AOPEP: variants seen among roughly 807,000 people sequenced by gnomAD.
AOPEP encodes the protein aminopeptidase O (putative).
AOPEP carries 77 observed loss-of-function variants against 98.1 expected under a neutral mutation model. The ratio of observed to expected loss-of-function variants is 0.78; its 90% confidence interval spans 0.65 to 0.95. AOPEP has a LOEUF of 0.95. Among genes scored for constraint, AOPEP ranks in the 40% least tolerant of loss-of-function variants. AOPEP has a pLI of 0.00. For missense variants in AOPEP, 1,024 were observed against 1,024.7 expected, an observed-to-expected ratio of 1.00 and a Z score of 0.01; for synonymous variants, 346 against 365.3, an observed-to-expected ratio of 0.95 and a Z score of 0.60.
chr9:95,099,547 C>T, the AOPEP span: 6 of 230,546 alleles, frequency 2.6e-5, no homozygotes, highest in African/African-American at 8.9e-5. Context: ...CCTGCCCGGC[C>T]GCCACCTGTC....
chr9:94,746,162 G>A (rs576767682), intron 1 of AOPEP, among the ~76,000 whole-genome samples: 1 of 152,316 alleles, frequency 6.6e-6, no homozygotes, highest in South Asian at 2.1e-4. Context: ...TCACCACCCT[G>A]AATCCAGCCA....
intron 5 of AOPEP, among the ~76,000 whole-genome samples, chr9:94,915,413 T>C (rs994282101): frequency 6.6e-6 from 1 of 152,226 alleles, no homozygotes; most frequent in African/African-American, 2.4e-5. Context: ...GAATTGATTC[T>C]AACGTGCTAT....
chr9:95,106,772 T>C, the AOPEP span, among the ~76,000 whole-genome samples: 1 of 152,182 alleles, frequency 6.6e-6, no homozygotes, highest in African/African-American at 2.4e-5. Flanking sequence ...TGGAAAGAAA[T>C]GTACGTAGGG....
chr9:95,023,358 A>G (rs1467507400), intron 13 of AOPEP, among the ~76,000 whole-genome samples: 1 of 152,182 alleles, frequency 6.6e-6, no homozygotes, highest in African/African-American at 2.4e-5. Flanking sequence ...TGTCCCCAGC[A>G]TTAAGACTGG....
chr9:95,076,137 CTT>C (rs1270278547), intron 14 of AOPEP, among the ~76,000 whole-genome samples: 1 of 152,366 alleles, frequency 6.6e-6, no homozygotes, highest in South Asian at 2.1e-4. Flanking sequence ...CAAGTTCTCT[CTT>C]AATTAAAAAC....
rs1425947455 is a variant in AOPEP at position 94,760,555 on chromosome 9, A to G, written c.772A>G (p.Thr258Ala). Residue 258 changes from threonine to alanine, a missense_variant, in exon 2 of 17, where the codon ACA (threonine) becomes GCA (alanine). This residue lies in a region of AOPEP where 440 missense variants were observed against 433.8 expected (regional missense o/e 1.01). Coordinates refer to ENST00000375315, the MANE Select transcript of AOPEP (RefSeq NM_001193329.3). ...AACTAAACCTGAAGGGCGATCGGTTACATGGACCTCAGACCAGAGTGGCAG... is the reference window on the plus strand; with the variant it reads ...AACTAAACCTGAAGGGCGATCGGTTGCATGGACCTCAGACCAGAGTGGCAG... Reference protein sequence around the residue: ...YKTKPEGRSVTWTSDQSGRPC... With the variant: ...YKTKPEGRSVAWTSDQSGRPC... The G allele has an allele frequency of 6.4e-7, 1 of 1,554,284 alleles. No individual in the cohort carries two copies. The highest frequency in any genetic ancestry group is 8.7e-7 in the Non-Finnish European group (1 of 1,153,736).
chr9:94,740,196 G>C (rs1230149573), intron 1 of AOPEP, among the ~76,000 whole-genome samples: 1 of 152,070 alleles, frequency 6.6e-6, no homozygotes, highest in Non-Finnish European at 1.5e-5. Context: ...ATGAAGGATT[G>C]GCTAGTTTGA....
At chr9:94,880,561 G>T (rs1278982302) in intron 5 of AOPEP, among the ~76,000 whole-genome samples, 18 of 151,922 alleles carry the variant, frequency 1.2e-4, no homozygotes, top group African/African-American at 4.4e-4. Context: ...TTGCCATGTT[G>T]CCCAGGCTGG....
intron 1 of AOPEP, among the ~76,000 whole-genome samples, chr9:94,741,921 C>T (rs971199899): frequency 1.3e-5 from 2 of 152,116 alleles, no homozygotes; most frequent in African/African-American, 4.8e-5. Flanking sequence ...AAATGCTAGG[C>T]CTGGAAGGGA....
chr9:94,808,841 C>G (rs1460687592), intron 5 of AOPEP, among the ~76,000 whole-genome samples: 2 of 152,240 alleles, frequency 1.3e-5, no homozygotes, highest in African/African-American at 2.4e-5. Flanking sequence ...GCCCACCTTG[C>G]TAAGTTGTTG....
At chr9:94,763,757 C>T (rs1158792957) in intron 2 of AOPEP, among the ~76,000 whole-genome samples, 4 of 152,100 alleles carry the variant, frequency 2.6e-5, no homozygotes, top group Admixed American at 1.3e-4. Context: ...GACAAGGGGC[C>T]GTCCGAAAGA....
chr9:94,801,926 A>G (rs1167563320), intron 5 of AOPEP, among the ~76,000 whole-genome samples: 4 of 152,198 alleles, frequency 2.6e-5, no homozygotes, highest in Non-Finnish European at 5.9e-5. Context: ...ACACATTCTT[A>G]GTAAAACCAT....
intron 5 of AOPEP, among the ~76,000 whole-genome samples, chr9:94,918,531 C>G (rs2053144333): frequency 6.6e-6 from 1 of 152,184 alleles, no homozygotes; most frequent in South Asian, 2.1e-4. Context: ...TGACACTGGG[C>G]AGAGTGGATC....
chr9:94,868,375 A>C (rs2045943059), intron 5 of AOPEP, among the ~76,000 whole-genome samples: 1 of 152,182 alleles, frequency 6.6e-6, no homozygotes, highest in African/African-American at 2.4e-5. Context: ...ACTTGAGAAC[A>C]TCTATTTTCT....
At chr9:95,035,167 T>C (rs527908594) in intron 13 of AOPEP, among the ~76,000 whole-genome samples, 1 of 151,698 alleles carries the variant, frequency 6.6e-6, no homozygotes, top group Non-Finnish European at 1.5e-5. Flanking sequence ...CCCCACCCTG[T>C]TTCCGTGTGT....
chr9:95,136,346 G>T, the AOPEP span, among the ~76,000 whole-genome samples: 3 of 152,176 alleles, frequency 2.0e-5, no homozygotes, highest in South Asian at 6.2e-4. Context: ...TCACGTCACT[G>T]CACTCCAACC....
intron 5 of AOPEP, among the ~76,000 whole-genome samples, chr9:94,857,679 C>T (rs1333575962): frequency 6.6e-6 from 1 of 151,954 alleles, no homozygotes; most frequent in South Asian, 2.1e-4. Flanking sequence ...CAAGCCAAAC[C>T]CCAGTATATG....
In AOPEP at chr9:94,972,839, T is replaced by G. The variant is rs2059614203; in HGVS notation, c.1916+5038T>G. On this transcript the variant is annotated intron_variant, in intron 10 of 16. Transcript: ENST00000375315. This position sits in a 1 kb window ranked among gnomAD's most constrained non-coding sequence, Gnocchi z 4.2. ...CTGTAGTCTCAGCTACTCGGGAGGC[T>G]GAGGTGGGAGGATGGCTTGAGTCCA... 6.6e-6 allele frequency among the ~76,000 whole-genome samples: 1 copy of G among 151,884 alleles called. No individual in the cohort carries two copies. The highest frequency in any genetic ancestry group is 2.1e-4 in the South Asian group (1 of 4,814).
At chr9:95,060,841 G>T (rs1401997747) in intron 14 of AOPEP, 31 bp downstream of exon 14, 9 of 1,355,414 alleles carry the variant, frequency 6.6e-6, no homozygotes, top group Non-Finnish European at 8.5e-6. Flanking sequence ...AGTTTAACCA[G>T]CAGGTCCCCA....
Sources: allele counts gnomAD v4.1 joint callset (sites outside exome capture counted in the v4.1 genomes callset), GRCh38; gene constraint gnomAD v4.1.1; regional missense constraint gnomAD v4.1.1; non-coding constraint Gnocchi (gnomAD v3.1); transcripts MANE v1.5; gene names NCBI Gene and HGNC (gene_info 2026-07-23, HGNC 2026-07-21).